The following FBN2 variants were observed in gnomAD, a reference collection of about 807,000 sequenced individuals.
The protein encoded by FBN2 is fibrillin 2, also known as fibrillin-2.
In FBN2, 105 loss-of-function variants were observed where a neutral mutation model predicts 355.6. The ratio of observed to expected loss-of-function variants is 0.30; its 90% CI spans 0.25 to 0.35. The LOEUF is 0.35. Among genes scored for constraint, FBN2 ranks in the 10% least tolerant of loss-of-function variants. The pLI is 1.00. For missense variants in FBN2, 3,280 were observed against 3,758.7 expected, an observed-to-expected ratio of 0.87 and a Z score of 3.33; for synonymous variants, 1,350 against 1,301.2, an observed-to-expected ratio of 1.04 and a Z score of -0.81.
chr5:128,344,655 G>A, intron 24 of FBN2, 145 bp from the exon 25 acceptor site: 1 of 724,214 alleles, frequency 1.4e-6, no homozygotes, highest in Non-Finnish European at 2.5e-6. Context: ...TGATCACACT[G>A]ATATCACACA....
Position 128,343,839 on chromosome 5 carries a change from C to T in FBN2, c.3343+546G>A, listed in dbSNP as rs1388398042. Reference sequence around the variant, plus strand: ...TTGAAAATCATATTTGTATGCTGTTCCTAAATATAAAACAAACAGCATTTT... The same window carrying T: ...TTGAAAATCATATTTGTATGCTGTTTCTAAATATAAAACAAACAGCATTTT... On this transcript the variant is annotated intron_variant, in intron 25 of 64. Coordinates refer to ENST00000262464, the MANE Select transcript of FBN2 (RefSeq NM_001999.4). Among the ~76,000 whole-genome samples, 6 of 151,944 alleles carry T rather than the reference C, an allele frequency of 3.9e-5. No individual in the cohort carries two copies. The South Asian group carries it at 1.3e-3, about 32-fold the overall frequency.
intron 1 of FBN2, among the ~76,000 whole-genome samples, chr5:128,537,032 G>T (rs1165918107): frequency 6.6e-6 from 1 of 152,076 alleles, no homozygotes; most frequent in Non-Finnish European, 1.5e-5. Flanking sequence ...GGCGGACCCA[G>T]GCCCGCCTGC....
chr5:128,519,275 C>T lies in FBN2; in HGVS notation c.626G>A (p.Arg209Lys), dbSNP rs778988322. The T allele has an allele frequency of 3.1e-6, 5 of 1,608,924 alleles. No homozygotes were observed. Among genetic ancestry groups the T allele is most frequent in the Non-Finnish European group, 4.3e-6 (5 of 1,175,386 alleles). ...VYGFTGPQCE[R>K]DYRTGPCFTQ... ...TAAAGTCTCATTTCTCTTCTTACCT[C>T]TTTCACACTGTGGACCAGTGAACCC... Residue 209 changes from arginine to lysine, a missense_variant and splice_region_variant, in exon 5 of 65, where the codon AGA becomes AAA. Arg to Lys is a conservative substitution (Grantham distance 26). Coordinates refer to ENST00000262464, the MANE Select transcript of FBN2 (RefSeq NM_001999.4).
intron 7 of FBN2, among the ~76,000 whole-genome samples, chr5:128,435,796 G>T (rs1024699471): frequency 6.6e-6 from 1 of 152,112 alleles, no homozygotes; most frequent in Non-Finnish European, 1.5e-5. Flanking sequence ...TTCAAACTTT[G>T]CTCCAGATCA....
intron 6 of FBN2, among the ~76,000 whole-genome samples, chr5:128,456,781 TA>T (rs1166941789): frequency 6.6e-6 from 1 of 151,690 alleles, no homozygotes; most frequent in Non-Finnish European, 1.5e-5. Context: ...AAGGCCCCCA[TA>T]AAAACCCCAT....
intron 6 of FBN2, among the ~76,000 whole-genome samples, chr5:128,453,808 T>A (rs1352122963): frequency 1.3e-5 from 2 of 152,244 alleles, no homozygotes; most frequent in Middle Eastern, 3.4e-3. Context: ...ACCAAACTCC[T>A]CCCCCAACTT....
At chr5:128,380,181 G>A (rs1402969399) in intron 11 of FBN2, among the ~76,000 whole-genome samples, 2 of 152,090 alleles carry the variant, frequency 1.3e-5, no homozygotes, top group Non-Finnish European at 2.9e-5. Context: ...ATTCTACTGA[G>A]CCAAAGGAAC....
intron 7 of FBN2, among the ~76,000 whole-genome samples, chr5:128,420,426 T>C (rs1753315982): frequency 6.6e-6 from 1 of 152,222 alleles, no homozygotes; most frequent in South Asian, 2.1e-4. Context: ...TTTGATTTTT[T>C]TCCCATACAG....
In FBN2 at chr5:128,364,669, A is replaced by G. The variant is rs756348656; in HGVS notation, c.2359T>C (p.Leu787=). ...CAATTACAACGGTAACTACCACGTA[A>G]GTTTTCACAAATCCCATTGGCACAT... The part of the protein sequence containing the change: ...DICANGICEN[L]RGSYRCNCNS... The change falls in exon 18 of 65, where the codon TTA becomes CTA. Residue 787 remains leucine, a synonymous_variant. Transcript: ENST00000262464. 7.4e-6 allele frequency: 12 copies of G among 1,613,338 alleles called. No individual in the cohort carries two copies. In the Admixed American group the frequency reaches 1.2e-4, roughly 16 times the overall value.
At chr5:128,499,525 C>T (rs917024637) in intron 5 of FBN2, among the ~76,000 whole-genome samples, 2 of 152,136 alleles carry the variant, frequency 1.3e-5, no homozygotes, top group East Asian at 1.9e-4. Flanking sequence ...TTTTTAAAAA[C>T]TCCCTGGTGA....
At chr5:128,292,081 T>C (rs1749339707) in intron 48 of FBN2, among the ~76,000 whole-genome samples, 1 of 152,128 alleles carries the variant, frequency 6.6e-6, no homozygotes, top group Admixed American at 6.5e-5. Flanking sequence ...AAGCAGAATG[T>C]GGCAGCCATT....
At chr5:128,494,960 C>A (rs1755615639) in intron 5 of FBN2, among the ~76,000 whole-genome samples, 1 of 152,166 alleles carries the variant, frequency 6.6e-6, no homozygotes, top group African/African-American at 2.4e-5. Context: ...TTAGAGAGAA[C>A]TCAGGACCAG....
At chr5:128,415,815 C>T (rs1300664543) in intron 7 of FBN2, among the ~76,000 whole-genome samples, 8 of 152,176 alleles carry the variant, frequency 5.3e-5, no homozygotes, top group Non-Finnish European at 1.2e-4. Context: ...TACATTACCA[C>T]CAACAGTGTA....
At chr5:128,470,565 A>G (rs1221953958) in intron 5 of FBN2, among the ~76,000 whole-genome samples, 1 of 152,128 alleles carries the variant, frequency 6.6e-6, no homozygotes, top group Non-Finnish European at 1.5e-5. Flanking sequence ...GGGGGAAAAA[A>G]ACAGAATGGC....
chr5:128,301,271 T>C, intron 47 of FBN2, 111 bp downstream of exon 47: 1 of 1,030,692 alleles, frequency 9.7e-7, no homozygotes, highest in East Asian at 2.4e-5. Context: ...GGTCATGTGC[T>C]CTGATGATTA....
chr5:128,290,256 G>T (rs1383107477), intron 50 of FBN2, among the ~76,000 whole-genome samples: 5 of 152,162 alleles, frequency 3.3e-5, no homozygotes, highest in African/African-American at 1.2e-4. Context: ...GCCAGCTGGA[G>T]TTTGCTGGGA....
intron 4 of FBN2, among the ~76,000 whole-genome samples, chr5:128,525,028 T>G (rs1382627870): frequency 6.6e-6 from 1 of 152,140 alleles, no homozygotes; most frequent in African/African-American, 2.4e-5. Context: ...CATTCCTGTG[T>G]GAAGAACAAG....
chr5:128,434,304 C>A (rs981631185), intron 7 of FBN2, among the ~76,000 whole-genome samples: 2 of 149,456 alleles, frequency 1.3e-5, no homozygotes, highest in African/African-American at 5.0e-5. Context: ...ATAATATACT[C>A]CCAAGGATGC....
intron 5 of FBN2, among the ~76,000 whole-genome samples, chr5:128,470,528 A>C (rs1754830989): frequency 6.6e-6 from 1 of 152,194 alleles, no homozygotes; most frequent in South Asian, 2.1e-4. Context: ...GGGTTCATCC[A>C]GGGTTTTGCT....
Sources: allele counts gnomAD v4.1 joint callset (sites outside exome capture counted in the v4.1 genomes callset), GRCh38; gene constraint gnomAD v4.1.1; transcripts MANE v1.5; gene names NCBI Gene and HGNC (gene_info 2026-07-23, HGNC 2026-07-21).